SDCCAG8: variants seen among roughly 807,000 people sequenced by gnomAD.
The protein encoded by SDCCAG8 is SHH signaling and ciliogenesis regulator SDCCAG8.
SDCCAG8 carries 74 observed loss-of-function variants against 101.8 expected under a neutral mutation model. The ratio of observed to expected loss-of-function variants is 0.73; its 90% CI spans 0.60 to 0.88. SDCCAG8 has a LOEUF of 0.88. SDCCAG8 is among the 40% of genes least tolerant of loss of function. The pLI is 0.00. For synonymous variants in SDCCAG8, 281 were observed against 292.9 expected, an observed-to-expected ratio of 0.96 and a Z score of 0.41; for missense variants, 787 against 822.6, an observed-to-expected ratio of 0.96 and a Z score of 0.53.
intron 6 of SDCCAG8, among the ~76,000 whole-genome samples, chr1:243,302,528 T>C (rs955373563): frequency 6.6e-6 from 1 of 152,154 alleles, no homozygotes; most frequent in African/African-American, 2.4e-5. Flanking sequence ...AAACACCAAC[T>C]GCTAGTCTTT....
intron 17 of SDCCAG8, among the ~76,000 whole-genome samples, chr1:243,498,814 CT>C (rs970911579): frequency 1.1e-4 from 16 of 152,318 alleles, no homozygotes; most frequent in Middle Eastern, 3.4e-3. Context: ...GCCCACTTCT[CT>C]TTTTGGAAGA....
chr1:243,415,802 C>T lies in SDCCAG8; in HGVS notation c.1717C>T (p.Gln573Ter), dbSNP rs1286714661. ...REQELTQKIQ[Q>*]MEAQHDKTEN... ...GCAGGAGCTGACACAGAAGATACAGCAAATGGAGGCCCAGCATGACAAAAC... is the reference window on the plus strand; with the variant it reads ...GCAGGAGCTGACACAGAAGATACAGTAAATGGAGGCCCAGCATGACAAAAC... Residue 573 changes from glutamine to a stop codon, truncating the protein, a stop_gained, in exon 14 of 18, where the codon CAA becomes TAA. Coordinates refer to ENST00000366541, the MANE Select transcript of SDCCAG8 (RefSeq NM_006642.5). LOFTEE classifies it high-confidence loss of function. The T allele has an allele frequency of 6.2e-7, 1 of 1,613,550 alleles. No individual in the cohort carries two copies. The highest frequency in any genetic ancestry group is 1.3e-5 in the African/African-American group (1 of 74,894).
chr1:243,499,950 C>A lies in SDCCAG8; in HGVS notation c.*165C>A. ...CGCGGGCGCTGTCCCCGCACGCAGT[C>A]GGGCTGGAGCTGGAGTCTGACTCTA... On this transcript the variant is annotated 3_prime_UTR_variant, in exon 18 of 18. Transcript: ENST00000366541. 1 of 682,820 alleles carries A rather than the reference C, an allele frequency of 1.5e-6. No homozygotes were observed. The highest frequency in any genetic ancestry group is 1.6e-5 in the South Asian group (1 of 62,346). The allele number at this position is 682,820 out of a possible 1,614,324, so 42.3% of individuals were successfully genotyped here.
At chr1:243,348,755 C>G (rs1003459901) in intron 12 of SDCCAG8, among the ~76,000 whole-genome samples, 2 of 150,956 alleles carry the variant, frequency 1.3e-5, no homozygotes, top group Non-Finnish European at 2.9e-5. Flanking sequence ...GGCGGATCAC[C>G]TGAGGTCGGG....
In SDCCAG8 at chr1:243,476,756, C is replaced by T. The variant is rs578000641; in HGVS notation, c.1986-12258C>T. 1.4e-4 allele frequency among the ~76,000 whole-genome samples: 21 copies of T among 152,276 alleles called. No homozygotes were observed. The South Asian group carries it at 3.5e-3, about 26-fold the overall frequency. On this transcript the variant is annotated intron_variant, in intron 16 of 17. Transcript: ENST00000366541. ...TGGGTTAAAGAAGTCTAAATAGAGA[C>T]ATGCCAACTAAGTATGAAGGATCTT...
intron 12 of SDCCAG8, among the ~76,000 whole-genome samples, chr1:243,367,135 A>G (rs921649710): frequency 2.6e-5 from 4 of 152,124 alleles, no homozygotes; most frequent in East Asian, 1.9e-4. Context: ...TATTCCTTTT[A>G]TTATGCTGTG....
chr1:243,497,826 G>A (rs907971469), intron 17 of SDCCAG8, among the ~76,000 whole-genome samples: 3 of 152,036 alleles, frequency 2.0e-5, no homozygotes, highest in African/African-American at 4.8e-5. Context: ...CTACAGGGGT[G>A]CGCCACCACA....
intron 16 of SDCCAG8, among the ~76,000 whole-genome samples, chr1:243,483,035 C>G (rs1664061294): frequency 1.3e-5 from 2 of 152,150 alleles, no homozygotes; most frequent in Admixed American, 6.5e-5. Context: ...CTTAATGCCT[C>G]CTAGAAGAAA....
At chr1:243,293,304 T>G in intron 6 of SDCCAG8, 85 bp downstream of exon 6, 1 of 1,363,648 alleles carries the variant, frequency 7.3e-7, no homozygotes, top group Non-Finnish European at 1.0e-6. Flanking sequence ...AAAATATATA[T>G]AACAAAATTT....
At chr1:243,295,586 A>G (rs916416772) in intron 6 of SDCCAG8, among the ~76,000 whole-genome samples, 15 of 151,926 alleles carry the variant, frequency 9.9e-5, no homozygotes, top group African/African-American at 3.1e-4. Context: ...CATGCAGACC[A>G]CTCACCAGTT....
intron 16 of SDCCAG8, among the ~76,000 whole-genome samples, chr1:243,471,520 C>T (rs1661260698): frequency 6.6e-6 from 1 of 152,132 alleles, no homozygotes; most frequent in Non-Finnish European, 1.5e-5. Context: ...TCCTCTCCCT[C>T]GGCCCTCCAC....
chr1:243,308,927 G>C (rs1423071578), intron 8 of SDCCAG8, among the ~76,000 whole-genome samples: 1 of 152,140 alleles, frequency 6.6e-6, no homozygotes, highest in East Asian at 1.9e-4. Flanking sequence ...TCTATCTGCT[G>C]TGCTCACTTA....
chr1:243,460,811 G>A (rs1658933256), intron 16 of SDCCAG8, among the ~76,000 whole-genome samples: 2 of 152,144 alleles, frequency 1.3e-5, no homozygotes, highest in South Asian at 4.1e-4. Context: ...ACGGCAGCGT[G>A]TTCGGCTTGT....
At chr1:243,385,885 C>T (rs965972683) in intron 13 of SDCCAG8, among the ~76,000 whole-genome samples, 5 of 152,198 alleles carry the variant, frequency 3.3e-5, no homozygotes, top group African/African-American at 1.2e-4. Flanking sequence ...TCAAGAATCA[C>T]TTGAGCCCGG....
intron 12 of SDCCAG8, among the ~76,000 whole-genome samples, chr1:243,361,615 A>G (rs1213485558): frequency 1.3e-5 from 2 of 152,172 alleles, no homozygotes; most frequent in Non-Finnish European, 2.9e-5. Context: ...CTGTCCATTC[A>G]GTGGAGCCTC....
chr1:243,337,470 G>T (rs962628613), intron 10 of SDCCAG8, among the ~76,000 whole-genome samples: 8 of 152,142 alleles, frequency 5.3e-5, no homozygotes, highest in Non-Finnish European at 1.2e-4. Context: ...AGCTCACAGT[G>T]GTCCTAGCAC....
intron 12 of SDCCAG8, among the ~76,000 whole-genome samples, chr1:243,355,163 C>T (rs1482008893): frequency 1.5e-4 from 23 of 152,198 alleles, no homozygotes; most frequent in Admixed American, 1.4e-3. Flanking sequence ...GGATTTGTTA[C>T]ACTTACATTT....
intron 8 of SDCCAG8, among the ~76,000 whole-genome samples, chr1:243,315,878 G>A (rs1311030188): frequency 6.6e-6 from 1 of 152,188 alleles, no homozygotes; most frequent in Non-Finnish European, 1.5e-5. Context: ...TAACAGTCCA[G>A]CATACATTTT....
chr1:243,485,043 C>CAA lies in SDCCAG8; in HGVS notation c.1986-3959_1986-3958dup, dbSNP rs59102358. On this transcript the variant is annotated intron_variant, in intron 16 of 17. Transcript: ENST00000366541. ...TGGGCAACAGAGCAAGACTCCATCT[C>CAA]AAAAAAAAAAAAAGAAGAAGAAGCA... Among the ~76,000 whole-genome samples, 577 of 99,688 alleles carry CAA rather than the reference C, an allele frequency of 5.8e-3. 5 individuals are homozygous for CAA. The highest frequency in any genetic ancestry group is 0.023 in the African/African-American group (536 of 23,360). 65.4% of individuals were successfully genotyped at this position (99,688 alleles called of 152,430 possible).
Sources: allele counts gnomAD v4.1 joint callset (sites outside exome capture counted in the v4.1 genomes callset), GRCh38; gene constraint gnomAD v4.1.1; transcripts MANE v1.5; gene names NCBI Gene and HGNC (gene_info 2026-07-23, HGNC 2026-07-21).